Variants in DSCAM observed in about 807,000 individuals in gnomAD.
The protein encoded by DSCAM is cell adhesion molecule DSCAM.
In DSCAM, 47 loss-of-function variants were observed where a neutral mutation model predicts 217.7. The observed-to-expected ratio is 0.22, with a 90% confidence interval of 0.17 to 0.28. The LOEUF (loss-of-function observed/expected upper bound fraction) is 0.28, where lower values mean the gene tolerates loss of function less well. Among genes scored for constraint, DSCAM ranks in the 10% least tolerant of loss-of-function variants. The pLI is 1.00. For synonymous variants in DSCAM, 1,056 were observed against 1,015.3 expected (o/e 1.04, Z -0.76); for missense variants, 2,080 against 2,618.3 (o/e 0.79, Z 4.49).
At chr21:40,589,261 C>G (rs959029005) in intron 3 of DSCAM, among the ~76,000 whole-genome samples, 9 of 152,150 alleles carry the variant, frequency 5.9e-5, no homozygotes, top group Non-Finnish European at 1.3e-4. Context: ...TGCTTTCTAT[C>G]TAAACAAAAT....
intron 3 of DSCAM, among the ~76,000 whole-genome samples, chr21:40,447,262 C>T (rs1380935938): frequency 6.6e-6 from 1 of 152,200 alleles, no homozygotes; most frequent in Non-Finnish European, 1.5e-5. Context: ...GAGATTGCTG[C>T]ATTACCATCA....
Position 40,740,353 on chromosome 21 carries a change from C to T in DSCAM, c.44-31582G>A, listed in dbSNP as rs544845416. 8.5e-5 allele frequency among the ~76,000 whole-genome samples: 13 copies of T among 152,106 alleles called. No homozygotes were observed. In the South Asian group the frequency reaches 2.5e-3, roughly 29 times the overall value. ...GAATATTAAAGCCATATATTCAGTCCCTGCCAGACAAACTAACGGCAGCCC... is the reference window on the plus strand; with the variant it reads ...GAATATTAAAGCCATATATTCAGTCTCTGCCAGACAAACTAACGGCAGCCC... On this transcript the variant is annotated intron_variant, in intron 1 of 32. Transcript: ENST00000400454.
intron 1 of DSCAM, among the ~76,000 whole-genome samples, chr21:40,774,567 A>G (rs2091472466): frequency 6.6e-6 from 1 of 152,256 alleles, no homozygotes; most frequent in South Asian, 2.1e-4. Context: ...GTCTTATTCC[A>G]GTTCATCTAA....
chr21:40,181,342 T>G (rs1346115601), intron 14 of DSCAM, among the ~76,000 whole-genome samples: 1 of 152,184 alleles, frequency 6.6e-6, no homozygotes, highest in Admixed American at 6.5e-5. Flanking sequence ...GGCTTTTTGA[T>G]AATTCTGCTT....
intron 16 of DSCAM, among the ~76,000 whole-genome samples, chr21:40,153,296 C>T (rs529651272): frequency 5.9e-5 from 9 of 152,310 alleles, no homozygotes; most frequent in South Asian, 2.1e-4. Context: ...AGAATACTGC[C>T]TGATACTTGC....
chr21:40,750,344 C>T (rs748614706), intron 1 of DSCAM, among the ~76,000 whole-genome samples: 8 of 152,204 alleles, frequency 5.3e-5, no homozygotes, highest in Admixed American at 4.6e-4. Context: ...TTTGCTGTAG[C>T]AGTGATAATT....
chr21:40,511,990 CAAAAAA>C (rs780829574), intron 3 of DSCAM, among the ~76,000 whole-genome samples: 1 of 26,792 alleles, frequency 3.7e-5, no homozygotes, highest in East Asian at 9.0e-4. Flanking sequence ...GACTCTGTCT[CAAAAAA>C]AAAAAAAAAA....
rs191935181 is a variant in DSCAM, at chr21:40,579,308, A to G, written c.508+113502T>C. Among the ~76,000 whole-genome samples the G allele has an allele frequency of 6.6e-5, 10 of 152,254 alleles. No individual in the cohort carries two copies. The East Asian group carries it at 1.2e-3, about 18-fold the overall frequency. On this transcript the variant is annotated intron_variant, in intron 3 of 32. Transcript: ENST00000400454. ...ACCTCAATAAAACTTCAGAGTAGAC[A>G]CAGAAGAAAAAGAAGCAGTGAGGAA...
At chr21:40,522,845 G>C (rs1188406549) in intron 3 of DSCAM, among the ~76,000 whole-genome samples, 1 of 152,182 alleles carries the variant, frequency 6.6e-6, no homozygotes, top group Non-Finnish European at 1.5e-5. Context: ...CTGGTACTCA[G>C]GGCAGGGAAG....
chr21:40,425,943 AG>A (rs747988141), intron 3 of DSCAM, among the ~76,000 whole-genome samples: 108 of 152,330 alleles, frequency 7.1e-4, no homozygotes, highest in Non-Finnish European at 1.2e-3. Context: ...ATCCTTTTGT[AG>A]GGGGCAGAAT....
chr21:40,773,010 C>T (rs1337506863), intron 1 of DSCAM, among the ~76,000 whole-genome samples: 1 of 152,236 alleles, frequency 6.6e-6, no homozygotes, highest in Admixed American at 6.5e-5. Context: ...GGCCCTATTG[C>T]CACAGGTGGA....
intron 27 of DSCAM, among the ~76,000 whole-genome samples, chr21:40,072,416 G>A (rs935113313): frequency 1.3e-5 from 2 of 149,568 alleles, no homozygotes; most frequent in Non-Finnish European, 1.5e-5. Context: ...GCGGGATCTC[G>A]GCTCACTGCA....
At chr21:40,360,123 CT>C (rs930781270) in intron 4 of DSCAM, among the ~76,000 whole-genome samples, 3 of 65,446 alleles carry the variant, frequency 4.6e-5, no homozygotes, top group South Asian at 6.4e-4. Flanking sequence ...CATAGGTAGT[CT>C]TTTTTTTTTT....
At chr21:40,495,600 G>T (rs917989251) in intron 3 of DSCAM, among the ~76,000 whole-genome samples, 2 of 152,034 alleles carry the variant, frequency 1.3e-5, no homozygotes, top group Non-Finnish European at 2.9e-5. Flanking sequence ...AAAATTGAAA[G>T]TTTTCCTCTA....
chr21:40,572,561 C>A (rs2076816497), intron 3 of DSCAM, among the ~76,000 whole-genome samples: 1 of 152,050 alleles, frequency 6.6e-6, no homozygotes, highest in Non-Finnish European at 1.5e-5. Context: ...ATGTTGAAAA[C>A]TGACATACTA....
chr21:40,839,140 T>C (rs59698828), intron 1 of DSCAM, among the ~76,000 whole-genome samples: 2 of 152,168 alleles, frequency 1.3e-5, no homozygotes, highest in South Asian at 4.1e-4. Flanking sequence ...TATAAGAGCA[T>C]GTGGCATTCT....
chr21:40,646,090 A>C (rs1418341486), intron 3 of DSCAM, among the ~76,000 whole-genome samples: 4 of 152,204 alleles, frequency 2.6e-5, no homozygotes, highest in African/African-American at 4.8e-5. Context: ...ATTGAAAAGA[A>C]AGACACAGGG....
intron 8 of DSCAM, among the ~76,000 whole-genome samples, chr21:40,325,920 T>C (rs1412058085): frequency 7.2e-5 from 11 of 152,180 alleles, no homozygotes; most frequent in Admixed American, 7.2e-4. Context: ...ATATTAATAC[T>C]ACACATGGAC....
chr21:40,766,026 C>T (rs1049292122), intron 1 of DSCAM, among the ~76,000 whole-genome samples: 1 of 152,306 alleles, frequency 6.6e-6, no homozygotes, highest in African/African-American at 2.4e-5. Context: ...GCAGGGAGCT[C>T]GTGACAGCTG....
Sources: allele counts gnomAD v4.1 joint callset (sites outside exome capture counted in the v4.1 genomes callset), GRCh38; gene constraint gnomAD v4.1.1; transcripts MANE v1.5; gene names NCBI Gene and HGNC (gene_info 2026-07-23, HGNC 2026-07-21).